FREM1: variants seen among roughly 807,000 people sequenced by gnomAD.
FREM1 encodes FRAS1 related extracellular matrix 1, also known as FRAS1-related extracellular matrix protein 1.
Under a neutral mutation model 210.1 loss-of-function variants are expected in FREM1, and 220 were observed. The ratio of observed to expected loss-of-function variants is 1.05; its 90% CI spans 0.94 to 1.17. FREM1 has a LOEUF of 1.17. Ranked by LOEUF, FREM1 falls within the 50% of genes most tolerant of loss-of-function variation. The probability of loss-of-function intolerance (pLI) is 0.00; values close to 1 mark genes in which losing one functional copy is unlikely to be tolerated. For missense variants in FREM1, 3,454 were observed against 2,675.5 expected (o/e 1.29, Z -6.42); for synonymous variants, 1,189 against 980.2 (o/e 1.21, Z -3.98).
At chr9:14,816,314 G>C (rs1260036395) in intron 15 of FREM1, among the ~76,000 whole-genome samples, 1 of 152,136 alleles carries the variant, frequency 6.6e-6, no homozygotes, top group Non-Finnish European at 1.5e-5. Flanking sequence ...GCAGGCCTGA[G>C]ACATACAAGG....
chr9:14,758,189 A>T (rs1297987524), intron 28 of FREM1, among the ~76,000 whole-genome samples: 1 of 152,190 alleles, frequency 6.6e-6, no homozygotes, highest in Non-Finnish European at 1.5e-5. Flanking sequence ...TGCTCAGGGT[A>T]GAGTTGTCCT....
intron 15 of FREM1, 80 bp from the exon 16 acceptor site, chr9:14,813,144 T>C (rs999649194): frequency 5.7e-6 from 8 of 1,406,916 alleles, no homozygotes; most frequent in African/African-American, 2.9e-5. Context: ...TTGCTCATAG[T>C]CAGAATGACA....
At chr9:14,883,469 T>C (rs969839793) in intron 1 of FREM1, among the ~76,000 whole-genome samples, 2 of 152,112 alleles carry the variant, frequency 1.3e-5, no homozygotes, top group African/African-American at 4.8e-5. Context: ...GGACATTCCA[T>C]GGAAAATACT....
chr9:14,743,143 A>G (rs893970721), intron 35 of FREM1, among the ~76,000 whole-genome samples: 3 of 152,134 alleles, frequency 2.0e-5, no homozygotes, highest in African/African-American at 4.8e-5. Context: ...TAAAAGGGTC[A>G]TGGGTGAAGG....
At chr9:14,908,530 G>A (rs971019662) in intron 1 of FREM1, among the ~76,000 whole-genome samples, 2 of 151,990 alleles carry the variant, frequency 1.3e-5, no homozygotes, top group African/African-American at 4.8e-5. Context: ...GAATGAAAAG[G>A]CAGAGATGAA....
chr9:14,861,142 TATAC>T (rs1830313964), intron 3 of FREM1, among the ~76,000 whole-genome samples: 1 of 109,650 alleles, frequency 9.1e-6, no homozygotes, highest in African/African-American at 4.0e-5. Flanking sequence ...TATATACATA[TATAC>T]ACATATATAC....
intron 1 of FREM1, among the ~76,000 whole-genome samples, chr9:14,879,510 G>C (rs538688803): frequency 6.6e-6 from 1 of 152,142 alleles, no homozygotes; most frequent in East Asian, 1.9e-4. Context: ...TAAAAGCAAC[G>C]TCTACAAGAA....
chr9:14,739,489 AT>A (rs1841099309), intron 36 of FREM1, among the ~76,000 whole-genome samples: 1 of 145,790 alleles, frequency 6.9e-6, no homozygotes, highest in Non-Finnish European at 1.5e-5. Flanking sequence ...TCATATATAT[AT>A]ATTCATATAT....
At chr9:14,898,502 G>A (rs1019303072) in intron 1 of FREM1, among the ~76,000 whole-genome samples, 2 of 152,200 alleles carry the variant, frequency 1.3e-5, no homozygotes, top group Non-Finnish European at 2.9e-5. Flanking sequence ...AGCATTTTGG[G>A]AGGCTGAGGT....
rs1228829370 is a variant in FREM1, at chr9:14,861,338, CACATATATAT to C, written c.330-1864_330-1855del. 9.7e-5 allele frequency among the ~76,000 whole-genome samples: 12 copies of C among 123,762 alleles called. 1 individual carries two copies. Among genetic ancestry groups the C allele is most frequent in the East Asian group, 4.2e-4 (2 of 4,758 alleles). 81.2% of individuals were successfully genotyped at this position (123,762 alleles called of 152,430 possible). ...ATATATACACATATATACATATATACACATATATATACATATATACACATATATACACGTA... is the reference window on the plus strand; with the variant it reads ...ATATATACACATATATACATATATACACATATATACACATATATACACGTA... On this transcript the variant is annotated intron_variant, in intron 3 of 36. Transcript: ENST00000380880.
intron 14 of FREM1, among the ~76,000 whole-genome samples, chr9:14,817,757 G>A (rs922702541): frequency 1.4e-4 from 22 of 152,290 alleles, no homozygotes; most frequent in African/African-American, 5.3e-4. Context: ...CATAGGCAGG[G>A]TAGGAACTGA....
chr9:14,849,308 G>C (rs114517892), intron 6 of FREM1, among the ~76,000 whole-genome samples: 2 of 152,138 alleles, frequency 1.3e-5, no homozygotes, highest in Admixed American at 1.3e-4. Flanking sequence ...GGCAATTGTC[G>C]TACTGCTACT....
Position 14,890,661 on chromosome 9 carries a change from G to A in FREM1, c.-268+19253C>T, listed in dbSNP as rs141133529. Among the ~76,000 whole-genome samples the A allele has an allele frequency of 7.2e-3, 1,099 of 152,176 alleles. 9 individuals are homozygous for A. The highest frequency in any genetic ancestry group is 0.025 in the African/African-American group (1,039 of 41,520). ...ATCTAAAACATTTCTGGCCATGCCC[G>A]ATAAATCTATACCTAATAAGTCTAC... On this transcript the variant is annotated intron_variant, in intron 1 of 36. Coordinates refer to ENST00000380880, the MANE Select transcript of FREM1 (RefSeq NM_001379081.2).
chr9:14,874,630 G>C (rs1021563863), intron 1 of FREM1, among the ~76,000 whole-genome samples: 13 of 151,812 alleles, frequency 8.6e-5, no homozygotes, highest in Non-Finnish European at 1.6e-4. Flanking sequence ...CAATTTGCCA[G>C]TCTGTGTCTT....
At chr9:14,754,155 C>G (rs1563838282) in intron 29 of FREM1, among the ~76,000 whole-genome samples, 1 of 152,116 alleles carries the variant, frequency 6.6e-6, no homozygotes, top group African/African-American at 2.4e-5. Flanking sequence ...AGCAAACAGA[C>G]CTCAAATTAT....
At chr9:14,867,873 T>G (rs958477415) in intron 2 of FREM1, among the ~76,000 whole-genome samples, 5 of 152,188 alleles carry the variant, frequency 3.3e-5, no homozygotes, top group African/African-American at 1.2e-4. Flanking sequence ...AAATTATGTA[T>G]AGTGGTAACT....
At chr9:14,843,659 T>C (rs1033605436) in intron 8 of FREM1, among the ~76,000 whole-genome samples, 1 of 152,210 alleles carries the variant, frequency 6.6e-6, no homozygotes, top group Admixed American at 6.5e-5. Context: ...CTACAATAAA[T>C]GTTGGTTATT....
intron 2 of FREM1, among the ~76,000 whole-genome samples, chr9:14,864,538 C>T (rs147941380): frequency 0.011 from 1,714 of 152,264 alleles, 35 homozygotes; most frequent in African/African-American, 0.039. Flanking sequence ...AAACAGAAAT[C>T]TAAAAGCAAT....
At chr9:14,741,555 T>A (rs751350021) in intron 35 of FREM1, among the ~76,000 whole-genome samples, 1 of 152,050 alleles carries the variant, frequency 6.6e-6, no homozygotes, top group Non-Finnish European at 1.5e-5. Context: ...TCTCCTCTCC[T>A]CCCCTCCCCA....
Sources: allele counts gnomAD v4.1 joint callset (sites outside exome capture counted in the v4.1 genomes callset), GRCh38; gene constraint gnomAD v4.1.1; transcripts MANE v1.5; gene names NCBI Gene and HGNC (gene_info 2026-07-23, HGNC 2026-07-21).